CR1: variants seen among roughly 807,000 people sequenced by gnomAD.
The protein encoded by CR1 is complement C3b/C4b receptor 1 (Knops blood group).
CR1 carries 116 observed loss-of-function variants against 187.3 expected under a neutral mutation model. The ratio of observed to expected loss-of-function variants is 0.62; its 90% CI spans 0.53 to 0.72. The LOEUF (loss-of-function observed/expected upper bound fraction) is 0.72, where lower values mean the gene tolerates loss of function less well. Ranked by LOEUF, CR1 falls within the 30% of genes least tolerant of loss-of-function variation. The pLI is 0.00. For synonymous variants in CR1, 576 were observed against 747.1 expected, an observed-to-expected ratio of 0.77 and a Z score of 3.73; for missense variants, 1,731 against 2,110.7, an observed-to-expected ratio of 0.82 and a Z score of 3.52.
chr1:207,517,478 T>C (rs888297949), intron 4 of CR1, among the ~76,000 whole-genome samples: 2 of 152,154 alleles, frequency 1.3e-5, no homozygotes, highest in African/African-American at 4.8e-5. Flanking sequence ...TAATTTGCTT[T>C]TATTTTAATG....
At chr1:207,600,010 A>G (rs987959157) in intron 35 of CR1, among the ~76,000 whole-genome samples, 2 of 152,236 alleles carry the variant, frequency 1.3e-5, no homozygotes, top group African/African-American at 4.8e-5. Flanking sequence ...ATTTTTTGTC[A>G]AGAGCCAGAT....
chr1:207,566,696 A>AT (rs912465138), intron 24 of CR1, among the ~76,000 whole-genome samples: 9 of 150,074 alleles, frequency 6.0e-5, no homozygotes, highest in Non-Finnish European at 1.0e-4. Context: ...ATAATAAGTC[A>AT]TTTTTTTAAA....
intron 1 of CR1, 112 bp downstream of exon 1, chr1:207,496,500 G>A (rs1659091076): frequency 4.3e-6 from 5 of 1,169,730 alleles, no homozygotes; most frequent in Non-Finnish European, 3.4e-6. Context: ...CGGGTCCGAA[G>A]GCAGCGCGAT....
At chr1:207,515,162 C>CACGT (rs1659756398) in intron 4 of CR1, among the ~76,000 whole-genome samples, 3 of 52,336 alleles carry the variant, frequency 5.7e-5, no homozygotes, top group African/African-American at 2.0e-4. Flanking sequence ...TATACATATA[C>CACGT]ATATATAGGT....
intron 46 of CR1, among the ~76,000 whole-genome samples, chr1:207,635,259 C>T (rs985212306): frequency 3.3e-5 from 5 of 151,962 alleles, no homozygotes; most frequent in African/African-American, 7.3e-5. Context: ...GAGGATCCAC[C>T]GGCCTCTGAG....
chr1:207,601,450 G>C (rs1234879355), intron 35 of CR1, among the ~76,000 whole-genome samples: 1 of 152,058 alleles, frequency 6.6e-6, no homozygotes, highest in Non-Finnish European at 1.5e-5. Flanking sequence ...TGGAATTCCT[G>C]GGGGATATGG....
rs1387510234 is a variant in CR1, at chr1:207,584,672, G to T, written c.5326G>T (p.Ala1776Ser). ...AGATATCTTTTGTCCAAATCCTCCA[G>T]CTATCCTTAATGGGAGACACACAGG... is the stretch of plus-strand genomic sequence containing the variant. ...CEHIFCPNPP[A>S]ILNGRHTGTP... The change falls in exon 33 of 47, where the codon GCT becomes TCT. Residue 1776 changes from alanine to serine, a missense_variant. Transcript: ENST00000367049. 4.3e-6 allele frequency: 7 copies of T among 1,613,510 alleles called. No individual in the cohort carries two copies. The highest frequency in any genetic ancestry group is 5.9e-6 in the Non-Finnish European group (7 of 1,179,630).
intron 24 of CR1, among the ~76,000 whole-genome samples, chr1:207,566,696 AT>A (rs912465138): frequency 6.7e-6 from 1 of 150,074 alleles, no homozygotes. Flanking sequence ...ATAATAAGTC[AT>A]TTTTTTAAAA....
At chr1:207,544,655 G>C (rs906572986) in intron 13 of CR1, among the ~76,000 whole-genome samples, 1 of 139,344 alleles carries the variant, frequency 7.2e-6, no homozygotes. Context: ...CTCTCATTAT[G>C]GTGACAGTAG....
chr1:207,621,220 A>G (rs1662306212), intron 43 of CR1, among the ~76,000 whole-genome samples: 3 of 152,118 alleles, frequency 2.0e-5, no homozygotes, highest in Admixed American at 6.5e-5. Context: ...GGTTACAGTG[A>G]GCCGAGATCG....
intron 25 of CR1, among the ~76,000 whole-genome samples, chr1:207,568,321 T>G (rs1172969262): frequency 1.7e-4 from 21 of 120,890 alleles, no homozygotes; most frequent in Admixed American, 6.1e-4. Flanking sequence ...AATCTCCTTA[T>G]TGAAATGTTT....
At chr1:207,586,758 T>A (rs1661122616) in intron 33 of CR1, among the ~76,000 whole-genome samples, 1 of 152,256 alleles carries the variant, frequency 6.6e-6, no homozygotes, top group Non-Finnish European at 1.5e-5. Context: ...ATATGTCAAA[T>A]CCCTCCACTT....
chr1:207,635,970 T>C (rs1052022565), intron 46 of CR1, among the ~76,000 whole-genome samples: 1 of 152,186 alleles, frequency 6.6e-6, no homozygotes, highest in Non-Finnish European at 1.5e-5. Context: ...ATCAACAGCA[T>C]CTCAAGGCAG....
intron 39 of CR1, 70 bp from the exon 40 acceptor site, chr1:207,614,334 C>A: frequency 2.5e-6 from 3 of 1,203,634 alleles, no homozygotes; most frequent in Admixed American, 3.6e-5. Context: ...AGCTGAGCAT[C>A]TATTAGCGAA....
At chr1:207,506,640 G>A in intron 2 of CR1, 74 bp from the exon 3 acceptor site, 4 of 1,235,272 alleles carry the variant, frequency 3.2e-6, no homozygotes, top group Non-Finnish European at 4.7e-6. Flanking sequence ...CTACAGGCAG[G>A]TTGAGACCTT....
At chr1:207,622,701 G>T (rs1662348635) in intron 44 of CR1, among the ~76,000 whole-genome samples, 1 of 152,150 alleles carries the variant, frequency 6.6e-6, no homozygotes, top group Non-Finnish European at 1.5e-5. Flanking sequence ...AGAGACATGG[G>T]CAGGGCCATG....
chr1:207,604,075 G>GT (rs1201870345), intron 35 of CR1, among the ~76,000 whole-genome samples: 1 of 152,114 alleles, frequency 6.6e-6, no homozygotes, highest in Non-Finnish European at 1.5e-5. Context: ...TTACTGCTAG[G>GT]TTTTGTCAAT....
At chr1:207,567,682 T>C (rs1660546723) in intron 24 of CR1, 142 bp from the exon 25 acceptor site, 1 of 1,229,078 alleles carries the variant, frequency 8.1e-7, no homozygotes, top group Admixed American at 2.3e-5. Flanking sequence ...GACATCTCAT[T>C]TAATCCAACT....
chr1:207,610,951 C>T (rs1558266039), intron 37 of CR1, among the ~76,000 whole-genome samples: 2 of 152,082 alleles, frequency 1.3e-5, no homozygotes, highest in Admixed American at 6.6e-5. Flanking sequence ...CAATTACACT[C>T]TTTCATTTTT....
Sources: allele counts gnomAD v4.1 joint callset (sites outside exome capture counted in the v4.1 genomes callset), GRCh38; gene constraint gnomAD v4.1.1; transcripts MANE v1.5; gene names NCBI Gene and HGNC (gene_info 2026-07-23, HGNC 2026-07-21).